The following KDM2B variants were observed in gnomAD, a reference collection of about 807,000 sequenced individuals.
KDM2B encodes lysine demethylase 2B.
KDM2B carries 26 observed loss-of-function variants against 150.0 expected under a neutral mutation model. The observed-to-expected ratio is 0.17, with a 90% CI of 0.13 to 0.24. KDM2B has a LOEUF of 0.24. KDM2B is among the 10% of genes least tolerant of loss of function. KDM2B has a pLI of 1.00. For missense variants in KDM2B, 1,265 were observed against 1,816.9 expected (o/e 0.70, Z 5.52); for synonymous variants, 734 against 729.5 (o/e 1.01, Z -0.10).
At chr12:121,502,223 A>G (rs1555302129) in intron 11 of KDM2B, among the ~76,000 whole-genome samples, 2 of 152,148 alleles carry the variant, frequency 1.3e-5, no homozygotes, top group African/African-American at 2.4e-5. Flanking sequence ...AGTCCTCATG[A>G]CCATGATGCT....
In KDM2B at chr12:121,496,083, G is replaced by A. The variant is rs868955574; in HGVS notation, c.1648-1418C>T. ...AATTATCTAACAGCTAACTTACAGGGGAGGTTACCAAGGCCCAGAAAGGCT... is the reference window on the plus strand; with the variant it reads ...AATTATCTAACAGCTAACTTACAGGAGAGGTTACCAAGGCCCAGAAAGGCT... On this transcript the variant is annotated intron_variant, in intron 11 of 22. Coordinates refer to ENST00000377071, the MANE Select transcript of KDM2B (RefSeq NM_032590.5). 2.0e-5 allele frequency among the ~76,000 whole-genome samples: 3 copies of A among 152,110 alleles called. No individual in the cohort carries two copies. In the South Asian group the frequency reaches 6.2e-4, roughly 32 times the overall value.
chr12:121,525,540 C>T (rs1482114344), intron 8 of KDM2B, among the ~76,000 whole-genome samples: 3 of 152,152 alleles, frequency 2.0e-5, no homozygotes, highest in Admixed American at 6.6e-5. Context: ...CGTGAGCCAC[C>T]GTGCCACGCC....
chr12:121,443,425 C>G, intron 17 of KDM2B: 1 of 586,848 alleles, frequency 1.7e-6, no homozygotes. Context: ...ACAGCACGGC[C>G]CGTGGGTGGA....
Position 121,568,565 on chromosome 12 carries a change from C to T in KDM2B, c.397+5982G>A, listed in dbSNP as rs73407676. Among the ~76,000 whole-genome samples the T allele has an allele frequency of 8.4e-3, 1,282 of 152,150 alleles. 23 individuals carry two copies. Among genetic ancestry groups the T allele is most frequent in the African/African-American group, 0.029 (1,205 of 41,498 alleles). On this transcript the variant is annotated intron_variant, in intron 4 of 22. Transcript: ENST00000377071. ...ATGGACGAATTGTATATACACAAAG[C>T]TGAGCAAAAGAAGCCAAAAACTAAA...
the KDM2B span, chr12:121,416,151 C>G: frequency 6.8e-6 from 11 of 1,612,430 alleles, no homozygotes; most frequent in Non-Finnish European, 8.5e-6. Context: ...ATTTGTGTTC[C>G]TTTTTAGGCG....
Position 121,453,826 on chromosome 12 carries a change from G to A in KDM2B, c.1735-482C>T, listed in dbSNP as rs1051609890. Among the ~76,000 whole-genome samples, 1 of 152,148 alleles carries A rather than the reference G, an allele frequency of 6.6e-6. No individual in the cohort carries two copies. The highest frequency in any genetic ancestry group is 1.9e-4 in the East Asian group (1 of 5,190). The stretch of plus-strand genomic sequence containing the variant: ...AGAGAAGAAAGGCCGGTTGTTTTAA[G>A]CCACCCGTTATGGCAGCCCTAGGAG... On this transcript the variant is annotated intron_variant, in intron 12 of 22. Transcript: ENST00000377071. The surrounding 1 kb of genome is among the most constrained non-coding windows in gnomAD (Gnocchi z 6.4).
At chr12:121,436,419 G>C (rs1873987994) in intron 22 of KDM2B, among the ~76,000 whole-genome samples, 1 of 152,024 alleles carries the variant, frequency 6.6e-6, no homozygotes, top group African/African-American at 2.4e-5. Flanking sequence ...TACTCGGGAG[G>C]CTGAGGCGGG....
rs782667692 is a variant in KDM2B at position 121,442,384 on chromosome 12, C to T, written c.3057G>A (p.Pro1019=). 2.4e-5 allele frequency: 38 copies of T among 1,555,172 alleles called. No homozygotes were observed. The highest frequency in any genetic ancestry group is 3.3e-5 in the Non-Finnish European group (38 of 1,148,082). The part of the protein sequence containing the change: ...RHQLGPSLRS[P]PRVISRPPPS... ...GTGGGGGCCGGGAGATGACACGGGG[C>T]GGGCTGCGCAGGCTGGGCCCCAGCT... is the stretch of plus-strand genomic sequence containing the variant. Residue 1019 remains proline (P), a synonymous_variant, in exon 19 of 23, where the codon CCG becomes CCA. Transcript: ENST00000377071. This position sits in a 1 kb window ranked among gnomAD's most constrained non-coding sequence, Gnocchi z 7.7.
chr12:121,568,306 G>A (rs55836080), intron 4 of KDM2B, among the ~76,000 whole-genome samples: 3 of 151,756 alleles, frequency 2.0e-5, no homozygotes, highest in East Asian at 3.9e-4. Context: ...TCATCTCTAC[G>A]AAAAATATAA....
At chr12:121,576,876 G>A (rs1891527871) in intron 2 of KDM2B, among the ~76,000 whole-genome samples, 1 of 152,196 alleles carries the variant, frequency 6.6e-6, no homozygotes, top group Non-Finnish European at 1.5e-5. Flanking sequence ...AGTTCACAGG[G>A]CAGCCTTGGG....
intron 4 of KDM2B, among the ~76,000 whole-genome samples, chr12:121,562,365 T>C (rs1051411614): frequency 1.3e-5 from 2 of 151,940 alleles, no homozygotes; most frequent in Non-Finnish European, 2.9e-5. Context: ...GAGCCTGTAA[T>C]CCCAGCTACT....
At chr12:121,558,997 A>G (rs1408561928) in intron 4 of KDM2B, among the ~76,000 whole-genome samples, 2 of 152,158 alleles carry the variant, frequency 1.3e-5, no homozygotes, top group Non-Finnish European at 1.5e-5. Flanking sequence ...CACATCACAG[A>G]TGCCACTTGG....
chr12:121,487,505 C>CTG (rs1247565203), intron 12 of KDM2B, among the ~76,000 whole-genome samples: 1 of 152,180 alleles, frequency 6.6e-6, no homozygotes, highest in African/African-American at 2.4e-5. Flanking sequence ...CATCCTGGCC[C>CTG]TGCGGCTTCC....
chr12:121,419,409 C>T, the KDM2B span, among the ~76,000 whole-genome samples: 3 of 152,130 alleles, frequency 2.0e-5, no homozygotes, highest in Non-Finnish European at 2.9e-5. Context: ...ATACTGTAGT[C>T]GTAAATTAGA....
At chr12:121,450,498 A>C (rs114121822) in intron 13 of KDM2B, among the ~76,000 whole-genome samples, 5,091 of 152,232 alleles carry the variant, frequency 0.033, 271 homozygotes, top group African/African-American at 0.11. Context: ...ACCTCATACA[A>C]ATTAGGATGG....
Position 121,443,773 on chromosome 12 carries a change from G to C in KDM2B, c.2472C>G (p.Ser824=), listed in dbSNP as rs781950264. The part of the protein sequence containing the change: ...GRKRASSLQT[S]PGSSSHLSPR... ...GCGAGAGGTGAGAGGAGGAACCGGG[G>C]GACGTTTGAAGCGATGAGGCCTAAA... Residue 824 remains serine, a synonymous_variant, in exon 17 of 23, where the codon TCC becomes TCG. Coordinates refer to ENST00000377071, the MANE Select transcript of KDM2B (RefSeq NM_032590.5). The C allele has an allele frequency of 6.2e-7, 1 of 1,606,484 alleles. No individual in the cohort carries two copies. The highest frequency in any genetic ancestry group is 2.2e-5 in the East Asian group (1 of 44,874).
chr12:121,425,316 A>AG (rs1188187317), downstream of KDM2B, among the ~76,000 whole-genome samples: 7 of 152,098 alleles, frequency 4.6e-5, no homozygotes, highest in African/African-American at 1.7e-4. Context: ...CAAAAAAAAA[A>AG]AAAAAAAAAG....
rs1319823284 is a variant in KDM2B, at chr12:121,518,649, C to T, written c.1047+2336G>A. 6.6e-6 allele frequency among the ~76,000 whole-genome samples: 1 copy of T among 152,212 alleles called. No homozygotes were observed. The highest frequency in any genetic ancestry group is 1.5e-5 in the Non-Finnish European group (1 of 68,038). On this transcript the variant is annotated intron_variant, in intron 9 of 22. Transcript: ENST00000377071. The surrounding 1 kb of genome is among the most constrained non-coding windows in gnomAD (Gnocchi z 4.4). ...AAGGGACCTGGGCTCCTAAGGGAACCATGGGGCCCAAATCCGCTGAGTTTA... is the reference window on the plus strand; with the variant it reads ...AAGGGACCTGGGCTCCTAAGGGAACTATGGGGCCCAAATCCGCTGAGTTTA...
chr12:121,581,477 G>A (rs1462953640), upstream of KDM2B, among the ~76,000 whole-genome samples: 1 of 152,176 alleles, frequency 6.6e-6, no homozygotes, highest in African/African-American at 2.4e-5. Context: ...GGGTTGTCTT[G>A]TCCTCCCATC....
Sources: allele counts gnomAD v4.1 joint callset (sites outside exome capture counted in the v4.1 genomes callset), GRCh38; gene constraint gnomAD v4.1.1; non-coding constraint Gnocchi (gnomAD v3.1); transcripts MANE v1.5; gene names NCBI Gene and HGNC (gene_info 2026-07-23, HGNC 2026-07-21).